IQGAP2: variants seen among roughly 807,000 people sequenced by gnomAD.
The protein encoded by IQGAP2 is ras GTPase-activating-like protein IQGAP2.
A neutral mutation model predicts 201.3 loss-of-function variants in IQGAP2; 173 were observed. The observed-to-expected ratio is 0.86, with a 90% CI of 0.76 to 0.98. The LOEUF (loss-of-function observed/expected upper bound fraction) is 0.98. IQGAP2 is among the 50% of genes least tolerant of loss of function. IQGAP2 has a pLI of 0.00. For synonymous variants in IQGAP2, 675 were observed against 673.9 expected (o/e 1.00, Z -0.03); for missense variants, 1,687 against 1,864.8 (o/e 0.90, Z 1.76).
chr5:76,610,076 C>CTCTCTCTCTCTCTCTA (rs1326468006), intron 12 of IQGAP2, among the ~76,000 whole-genome samples: 1 of 18,700 alleles, frequency 5.3e-5, no homozygotes, highest in Non-Finnish European at 9.6e-5. Flanking sequence ...CTCTCTCTCT[C>CTCTCTCTCTCTCTCTA]TATATATATA....
intron 13 of IQGAP2, 96 bp from the exon 14 acceptor site, chr5:76,627,313 TG>T: frequency 1.2e-6 from 1 of 854,004 alleles, no homozygotes; most frequent in South Asian, 1.4e-5. Flanking sequence ...TAAGAATTTG[TG>T]GGAATTATGA....
chr5:76,437,782 G>T (rs1264768871), intron 1 of IQGAP2, among the ~76,000 whole-genome samples: 2 of 152,100 alleles, frequency 1.3e-5, no homozygotes, highest in Non-Finnish European at 2.9e-5. Context: ...ATCATGGGTG[G>T]GCATTTGGGT....
chr5:76,436,641 C>T (rs532942395), intron 1 of IQGAP2, among the ~76,000 whole-genome samples: 1 of 143,990 alleles, frequency 6.9e-6, no homozygotes. Context: ...AGTGATTCTT[C>T]TGCCTCAGCC....
In IQGAP2 at chr5:76,606,290, A is replaced by G; in HGVS notation, c.1344A>G (p.Gln448=). The G allele has an allele frequency of 1.9e-6, 3 of 1,599,042 alleles. No individual in the cohort carries two copies. The highest frequency in any genetic ancestry group is 2.6e-6 in the Non-Finnish European group (3 of 1,173,030). ...NCIDMVNAQI[Q]EENDRVVAVG... is the part of the protein sequence containing the mutation. The stretch of plus-strand genomic sequence containing the variant: ...TTGATATGGTTAATGCTCAAATTCA[A>G]GAAGAAAATGACCGTAAGTATAAGA... Residue 448 remains glutamine, a synonymous_variant, in exon 12 of 36, where the codon CAA becomes CAG. Coordinates refer to ENST00000274364, the MANE Select transcript of IQGAP2 (RefSeq NM_006633.5).
chr5:76,492,533 T>A (rs1297136255), intron 2 of IQGAP2, among the ~76,000 whole-genome samples: 4 of 152,184 alleles, frequency 2.6e-5, no homozygotes, highest in African/African-American at 9.7e-5. Flanking sequence ...TTTCCTGTTC[T>A]GGAATTAGCA....
intron 1 of IQGAP2, among the ~76,000 whole-genome samples, chr5:76,451,078 A>C (rs1753711683): frequency 6.6e-6 from 1 of 152,150 alleles, no homozygotes; most frequent in African/African-American, 2.4e-5. Context: ...GCTCCTTAGT[A>C]TATCCCTGGA....
At chr5:76,475,624 A>G (rs1755370763) in intron 2 of IQGAP2, among the ~76,000 whole-genome samples, 1 of 152,164 alleles carries the variant, frequency 6.6e-6, no homozygotes, top group South Asian at 2.1e-4. Flanking sequence ...ACAGGATGAC[A>G]TACAGGTTAA....
chr5:76,588,576 T>A (rs1746407104), intron 5 of IQGAP2, among the ~76,000 whole-genome samples: 1 of 152,218 alleles, frequency 6.6e-6, no homozygotes, highest in African/African-American at 2.4e-5. Flanking sequence ...TTCAAAGAAA[T>A]GTTTATTGCA....
rs772206819 is a variant in IQGAP2, at chr5:76,597,505, C to T, written c.974C>T (p.Ala325Val). ...GGTGACCCCGAGAATACGCTGCTTGCACTGAAGAAACCAGAGGCCCAGCTG... is the reference window on the plus strand; with the variant it reads ...GGTGACCCCGAGAATACGCTGCTTGTACTGAAGAAACCAGAGGCCCAGCTG... ...PEGDPENTLL[A>V]LKKPEAQLPA... Residue 325 changes from alanine (A) to valine (V), a missense_variant, in exon 10 of 36, where the codon GCA becomes GTA. Transcript: ENST00000274364. 7 of 1,613,880 alleles carry T rather than the reference C, an allele frequency of 4.3e-6. No homozygotes were observed. In the African/African-American group the frequency reaches 5.3e-5, roughly 12 times the overall value.
chr5:76,555,301 T>C (rs572047793), intron 2 of IQGAP2, among the ~76,000 whole-genome samples: 49 of 152,374 alleles, frequency 3.2e-4, no homozygotes, highest in African/African-American at 1.1e-3. Context: ...GTGTGGATTA[T>C]ATCTCAATAA....
At chr5:76,450,863 A>G (rs1314001764) in intron 1 of IQGAP2, among the ~76,000 whole-genome samples, 1 of 152,204 alleles carries the variant, frequency 6.6e-6, no homozygotes, top group Non-Finnish European at 1.5e-5. Flanking sequence ...TGTATTGTCA[A>G]CATATCCCCA....
chr5:76,690,995 C>G (rs138375101), intron 30 of IQGAP2, among the ~76,000 whole-genome samples: 4 of 152,114 alleles, frequency 2.6e-5, no homozygotes, highest in African/African-American at 9.7e-5. Flanking sequence ...GTTTTATAAA[C>G]GAAAAAACAA....
chr5:76,484,378 T>C, intron 2 of IQGAP2, among the ~76,000 whole-genome samples: 1 of 152,146 alleles, frequency 6.6e-6, no homozygotes, highest in Non-Finnish European at 1.5e-5. Flanking sequence ...GGGAGGGCTG[T>C]CTTAGTGCTA....
rs114082665 is a variant in IQGAP2 at position 76,674,750 on chromosome 5, G to C, written c.3527+41G>C. 4.5e-4 allele frequency: 631 copies of C among 1,402,710 alleles called. 3 individuals are homozygous for C. In the African/African-American group the frequency reaches 8.0e-3, roughly 18 times the overall value. The allele number at this position is 1,402,710 out of a possible 1,614,324, so 86.9% of individuals were successfully genotyped here. ...AGTTTTGGAGAAACGTGCAAGAATG[G>C]TAGGCAAGAATAATATGTGCTCTGT... On this transcript the variant is annotated intron_variant, in intron 27 of 35. Transcript: ENST00000274364.
intron 11 of IQGAP2, among the ~76,000 whole-genome samples, chr5:76,602,392 A>G (rs1214927860): frequency 6.6e-6 from 1 of 152,146 alleles, no homozygotes; most frequent in African/African-American, 2.4e-5. Context: ...ACTGTCCTCC[A>G]CATGACATTA....
intron 33 of IQGAP2, among the ~76,000 whole-genome samples, chr5:76,698,860 T>G (rs955827398): frequency 2.0e-5 from 3 of 152,162 alleles, no homozygotes; most frequent in African/African-American, 7.2e-5. Context: ...CTTTTAAATT[T>G]TATTGCAAAT....
At chr5:76,609,130 A>T (rs1263471145) in intron 12 of IQGAP2, 1 of 1,535,868 alleles carries the variant, frequency 6.5e-7, no homozygotes, top group South Asian at 1.2e-5. Flanking sequence ...GCAGACAGCA[A>T]CTTTAGCAGG....
rs747921263 is a variant in IQGAP2, at chr5:76,683,776, G to C, written c.3764G>C (p.Gly1255Ala). ...GEVPTVESFL[G>A]EGAVDPNDPN... is the part of the protein sequence containing the mutation. The stretch of plus-strand genomic sequence containing the variant: ...ATAACACTAGGTTTTTTCCCTACAG[G>C]GGAAGGAGCAGTTGACCCCAATGAC... Residue 1255 changes from glycine to alanine, a missense_variant and splice_region_variant, in exon 30 of 36, where the codon GGG becomes GCG. Gly to Ala is a moderately conservative substitution (Grantham distance 60). Transcript: ENST00000274364. The C allele has an allele frequency of 6.2e-7, 1 of 1,607,640 alleles. No homozygotes were observed. The highest frequency in any genetic ancestry group is 2.2e-5 in the East Asian group (1 of 44,666).
intron 2 of IQGAP2, among the ~76,000 whole-genome samples, chr5:76,496,872 C>T (rs1051234056): frequency 1.3e-5 from 2 of 150,994 alleles, no homozygotes; most frequent in African/African-American, 4.9e-5. Flanking sequence ...CTCTGTTGCC[C>T]AGGCTGCAGT....
Sources: gnomAD v4.1 joint callset for allele counts (sites outside exome capture counted in the v4.1 genomes callset) on GRCh38, gnomAD v4.1.1 for gene constraint, MANE v1.5 for transcripts, NCBI Gene and HGNC (gene_info 2026-07-23, HGNC 2026-07-21) for gene names.